Variants in EPC2 observed in about 807,000 individuals in gnomAD.
The protein encoded by EPC2 is enhancer of polycomb 2.
In EPC2, 14 loss-of-function variants were observed where a neutral mutation model predicts 92.1. The observed-to-expected ratio is 0.15, with a 90% CI of 0.10 to 0.24. The LOEUF (loss-of-function observed/expected upper bound fraction) is 0.24. Ranked by LOEUF, EPC2 falls within the 10% of genes least tolerant of loss-of-function variation. The pLI is 1.00. For synonymous variants in EPC2, 340 were observed against 334.7 expected (o/e 1.02, Z -0.17); for missense variants, 755 against 971.5 (o/e 0.78, Z 2.96).
intron 13 of EPC2, 63 bp downstream of exon 13, chr2:148,785,064 G>T (rs1683838665): frequency 1.7e-5 from 23 of 1,373,460 alleles, no homozygotes; most frequent in Non-Finnish European, 2.1e-5. Flanking sequence ...GGAAGAAAAA[G>T]ACTTTTTTTT....
intron 1 of EPC2, among the ~76,000 whole-genome samples, chr2:148,688,598 C>CAT (rs965139853): frequency 2.0e-5 from 3 of 152,074 alleles, no homozygotes; most frequent in Admixed American, 1.3e-4. Context: ...TTTGGCTTTG[C>CAT]ATATATATGT....
intron 1 of EPC2, among the ~76,000 whole-genome samples, chr2:148,656,030 G>T (rs375515852): frequency 0.18 from 23,216 of 127,298 alleles, 3,013 homozygotes; most frequent in East Asian, 0.51. Flanking sequence ...TGTGTGGGGG[G>T]GGGGGGGGTT....
chr2:148,759,009 T>G (rs1258023826), intron 4 of EPC2, among the ~76,000 whole-genome samples: 3 of 152,214 alleles, frequency 2.0e-5, no homozygotes, highest in African/African-American at 7.2e-5. Flanking sequence ...GGAGATTAAA[T>G]TACAGAAGAT....
intron 2 of EPC2, among the ~76,000 whole-genome samples, chr2:148,706,745 C>T (rs544448377): frequency 1.3e-5 from 2 of 152,264 alleles, no homozygotes; most frequent in East Asian, 3.9e-4. Flanking sequence ...TCCAGCCAAA[C>T]TAAGCTTCAT....
At chr2:148,671,534 A>C (rs1218067160) in intron 1 of EPC2, among the ~76,000 whole-genome samples, 1 of 152,146 alleles carries the variant, frequency 6.6e-6, no homozygotes, top group Non-Finnish European at 1.5e-5. Flanking sequence ...GAATTGCCTG[A>C]ACCTGGGAGG....
chr2:148,665,233 T>C (rs901168208), intron 1 of EPC2, among the ~76,000 whole-genome samples: 15 of 152,232 alleles, frequency 9.9e-5, no homozygotes, highest in African/African-American at 3.6e-4. Flanking sequence ...GTATGGGTTA[T>C]CTGTCTACCC....
intron 1 of EPC2, among the ~76,000 whole-genome samples, chr2:148,675,197 T>G (rs1681237001): frequency 1.3e-5 from 2 of 152,092 alleles, no homozygotes; most frequent in South Asian, 4.1e-4. Flanking sequence ...AGTCTTTATT[T>G]CTGAGATTTT....
intron 1 of EPC2, among the ~76,000 whole-genome samples, chr2:148,658,749 A>C (rs1393677757): frequency 6.6e-6 from 1 of 151,880 alleles, no homozygotes; most frequent in Non-Finnish European, 1.5e-5. Flanking sequence ...TGCTTTACTT[A>C]ATTCAGCGAC....
intron 1 of EPC2, among the ~76,000 whole-genome samples, chr2:148,659,835 C>T (rs1040276751): frequency 1.3e-5 from 2 of 152,110 alleles, no homozygotes; most frequent in Non-Finnish European, 2.9e-5. Context: ...TAACACAGCA[C>T]AGGAAGGTGC....
At chr2:148,655,193 A>C (rs2105351570) in intron 1 of EPC2, among the ~76,000 whole-genome samples, 1 of 152,260 alleles carries the variant, frequency 6.6e-6, no homozygotes, top group South Asian at 2.1e-4. Context: ...TCTGCCCATT[A>C]ATTTCTGGAA....
chr2:148,712,485 G>A (rs1449076605), intron 2 of EPC2, among the ~76,000 whole-genome samples: 2 of 152,140 alleles, frequency 1.3e-5, no homozygotes, highest in Non-Finnish European at 2.9e-5. Flanking sequence ...CAATTATAAT[G>A]GAACCGAAAA....
chr2:148,771,830 G>A (rs1023608982), intron 10 of EPC2, among the ~76,000 whole-genome samples: 41 of 149,866 alleles, frequency 2.7e-4, no homozygotes, highest in African/African-American at 9.6e-4. Context: ...ATGGAGTCTC[G>A]CTGTGTCGCC....
intron 1 of EPC2, among the ~76,000 whole-genome samples, chr2:148,686,933 A>G (rs1681539976): frequency 6.6e-6 from 1 of 152,160 alleles, no homozygotes; most frequent in Admixed American, 6.5e-5. Flanking sequence ...TTAGCCCCTA[A>G]CAAGAGAATC....
chr2:148,668,943 G>C (rs1681104140), intron 1 of EPC2, among the ~76,000 whole-genome samples: 1 of 151,774 alleles, frequency 6.6e-6, no homozygotes, highest in Non-Finnish European at 1.5e-5. Context: ...TGTTCTTCCA[G>C]GTTTTTAGGG....
chr2:148,683,078 ATTTTT>A (rs936686288), intron 1 of EPC2, among the ~76,000 whole-genome samples: 1 of 147,184 alleles, frequency 6.8e-6, no homozygotes, highest in African/African-American at 2.5e-5. Context: ...AGGATCTTAA[ATTTTT>A]TTTTTTTTAA....
At chr2:148,718,847 C>G (rs1236454902) in intron 2 of EPC2, among the ~76,000 whole-genome samples, 1 of 152,164 alleles carries the variant, frequency 6.6e-6, no homozygotes, top group Non-Finnish European at 1.5e-5. Context: ...CAACTTGGTT[C>G]CAACTCCCCA....
At chr2:148,714,319 G>C (rs1682215142) in intron 2 of EPC2, among the ~76,000 whole-genome samples, 1 of 152,056 alleles carries the variant, frequency 6.6e-6, no homozygotes, top group Non-Finnish European at 1.5e-5. Context: ...TATCATCGAT[G>C]GGCATTTAGG....
chr2:148,719,834 T>C (rs1324027052), intron 2 of EPC2, among the ~76,000 whole-genome samples: 1 of 152,222 alleles, frequency 6.6e-6, no homozygotes, highest in African/African-American at 2.4e-5. Flanking sequence ...CTGAACTGGC[T>C]GAGGAGCCCA....
intron 2 of EPC2, among the ~76,000 whole-genome samples, chr2:148,738,682 G>A (rs771344733): frequency 1.7e-4 from 26 of 152,294 alleles, no homozygotes; most frequent in Non-Finnish European, 3.5e-4. Flanking sequence ...ATGTTTTGGA[G>A]TCAGAGTAAG....
Sources: gnomAD v4.1 joint callset for allele counts (sites outside exome capture counted in the v4.1 genomes callset) on GRCh38, gnomAD v4.1.1 for gene constraint, MANE v1.5 for transcripts, NCBI Gene and HGNC (gene_info 2026-07-23, HGNC 2026-07-21) for gene names.